The following HTT variants were observed in gnomAD, a reference collection of about 807,000 sequenced individuals.
HTT encodes huntingtin, also known as huntington disease protein.
HTT carries 104 observed loss-of-function variants against 362.3 expected under a neutral mutation model. The ratio of observed to expected loss-of-function variants is 0.29; its 90% CI spans 0.24 to 0.34. HTT has a LOEUF of 0.34. Among genes scored for constraint, HTT ranks in the 10% least tolerant of loss-of-function variants. HTT has a pLI of 1.00. For missense variants in HTT, 3,301 were observed against 3,928.6 expected (o/e 0.84, Z 4.27); for synonymous variants, 1,577 against 1,548.7 (o/e 1.02, Z -0.43).
intron 59 of HTT, among the ~76,000 whole-genome samples, chr4:3,229,306 A>T (rs1578610545): frequency 2.3e-5 from 1 of 44,170 alleles, no homozygotes; most frequent in Admixed American, 2.7e-4. Context: ...CATGCACCAC[A>T]CACACACACA....
At position 3,130,395 on chromosome 4, in the gene HTT, C is replaced by G. The variant is rs1715750230; in HGVS notation, c.1958C>G (p.Ala653Gly). ...SVDKFVLRDE[A>G]TEPGDQENKP... Reference sequence around the variant, plus strand: ...GATAAATTTGTGTTGAGAGATGAAGCTACTGAACCGGGTGATCAAGAAAAC... The same window carrying G: ...GATAAATTTGTGTTGAGAGATGAAGGTACTGAACCGGGTGATCAAGAAAAC... Residue 653 changes from alanine to glycine, a missense_variant, in exon 14 of 67, where the codon GCT becomes GGT. Ala to Gly is a moderately conservative substitution (Grantham distance 60, BLOSUM62 0). Coordinates refer to ENST00000355072, the MANE Select transcript of HTT (RefSeq NM_001388492.1). 2 of 1,604,050 alleles carry G rather than the reference C, an allele frequency of 1.2e-6. No individual in the cohort carries two copies. Among genetic ancestry groups the G allele is most frequent in the African/African-American group, 2.7e-5 (2 of 74,782 alleles).
At chr4:3,173,359 C>T in intron 31 of HTT, 1 of 546,264 alleles carries the variant, frequency 1.8e-6, no homozygotes, top group Non-Finnish European at 3.3e-6. Flanking sequence ...GGGACTTACA[C>T]ATCTCAGAGG....
intron 2 of HTT, among the ~76,000 whole-genome samples, chr4:3,094,279 T>C (rs180914228): frequency 1.5e-3 from 233 of 152,290 alleles, no homozygotes; most frequent in African/African-American, 5.2e-3. Flanking sequence ...GAATTTTTCT[T>C]AGTACAGAAC....
intron 4 of HTT, among the ~76,000 whole-genome samples, chr4:3,104,723 G>C (rs893187059): frequency 6.6e-6 from 1 of 152,128 alleles, no homozygotes; most frequent in Non-Finnish European, 1.5e-5. Flanking sequence ...GACCAGCATG[G>C]GCAACATGGC....
chr4:3,171,959 AAC>A (rs1394914950), intron 29 of HTT, among the ~76,000 whole-genome samples: 1 of 152,188 alleles, frequency 6.6e-6, no homozygotes, highest in African/African-American at 2.4e-5. Flanking sequence ...GTGTTCACTG[AAC>A]ATATTCAGGG....
chr4:3,159,603 C>T (rs929692690), intron 28 of HTT, among the ~76,000 whole-genome samples: 3 of 152,220 alleles, frequency 2.0e-5, no homozygotes, highest in Non-Finnish European at 4.4e-5. Context: ...CTCTTGCCTG[C>T]TTCTGACTTC....
At chr4:3,161,700 G>A (rs1437409640) in intron 29 of HTT, among the ~76,000 whole-genome samples, 3 of 152,120 alleles carry the variant, frequency 2.0e-5, no homozygotes, top group African/African-American at 7.2e-5. Context: ...TCGTATGTCT[G>A]TTGGCTGCAT....
chr4:3,177,391 A>C lies in HTT; in HGVS notation c.4463+4A>C. The C allele has an allele frequency of 6.4e-7, 1 of 1,564,130 alleles. No individual in the cohort carries two copies. Among genetic ancestry groups the C allele is most frequent in the South Asian group, 1.2e-5 (1 of 82,964 alleles). On this transcript the variant is annotated splice_donor_region_variant and intron_variant, in intron 34 of 66. Coordinates refer to ENST00000355072, the MANE Select transcript of HTT (RefSeq NM_001388492.1). ...ACATTGAAGTGGGCCAGTTCAGGTA[A>C]TAGCATTTTATTATTTTAGATTTTT...
intron 6 of HTT, among the ~76,000 whole-genome samples, chr4:3,112,222 C>T (rs972152719): frequency 1.3e-5 from 2 of 152,156 alleles, no homozygotes; most frequent in Non-Finnish European, 2.9e-5. Flanking sequence ...CTGGTTTATT[C>T]TTATTCTCAA....
chr4:3,143,238 A>T (rs879783952), intron 23 of HTT, among the ~76,000 whole-genome samples: 2 of 152,114 alleles, frequency 1.3e-5, no homozygotes, highest in Non-Finnish European at 2.9e-5. Context: ...GGAGTCGGAT[A>T]CCAGCCTGGC....
chr4:3,124,155 A>G (rs1299899926), intron 10 of HTT, among the ~76,000 whole-genome samples: 2 of 152,230 alleles, frequency 1.3e-5, no homozygotes, highest in Non-Finnish European at 2.9e-5. Flanking sequence ...TTAGAAGCCA[A>G]AAGGATTCTA....
At chr4:3,146,638 A>G (rs1716617868) in intron 24 of HTT, among the ~76,000 whole-genome samples, 159 bp from the exon 25 acceptor site, 1 of 152,216 alleles carries the variant, frequency 6.6e-6, no homozygotes, top group South Asian at 2.1e-4. Context: ...TGGAGCTCTG[A>G]TTTATAGGAA....
chr4:3,179,691 CTGTG>C (rs559063205), intron 35 of HTT, among the ~76,000 whole-genome samples: 25 of 141,812 alleles, frequency 1.8e-4, no homozygotes, highest in South Asian at 9.3e-4. Flanking sequence ...GAGTGTGCCT[CTGTG>C]TGTGTGCTCA....
intron 8 of HTT, among the ~76,000 whole-genome samples, chr4:3,118,820 A>G (rs1250969380): frequency 6.6e-6 from 1 of 152,202 alleles, no homozygotes; most frequent in Non-Finnish European, 1.5e-5. Flanking sequence ...TGAACTGGCA[A>G]ATTCTAAACT....
rs906917650 is a variant in HTT, at chr4:3,148,066, C to T, written c.3357C>T (p.Ala1119=). Residue 1119 remains alanine, a synonymous_variant, in exon 26 of 67, where the codon GCC becomes GCT. Coordinates refer to ENST00000355072, the MANE Select transcript of HTT (RefSeq NM_001388492.1). ...CTGAAGAAGAAGCCAACCCAGCAGC[C>T]ACCAAGCAAGAGGAGGTCTGGCCAG... The part of the protein sequence containing the change: ...WASEEEANPA[A]TKQEEVWPAL... 6.2e-7 allele frequency: 1 copy of T among 1,614,024 alleles called. No individual in the cohort carries two copies. Among genetic ancestry groups the T allele is most frequent in the African/African-American group, 1.3e-5 (1 of 74,936 alleles).
chr4:3,182,314 C>G, intron 36 of HTT, 40 bp from the exon 37 acceptor site: 1 of 1,352,508 alleles, frequency 7.4e-7, no homozygotes, highest in African/African-American at 1.4e-5. Flanking sequence ...GGAAAGGCGT[C>G]TCTTGGCAGC....
At chr4:3,127,688 G>C (rs958791234) in intron 12 of HTT, 84 bp downstream of exon 12, 3 of 992,864 alleles carry the variant, frequency 3.0e-6, no homozygotes, top group Admixed American at 5.0e-5. Context: ...TGGAGGCCGG[G>C]CACAGGGGCT....
rs115098962 is a variant in HTT, at chr4:3,183,110, G to A, written c.4866+640G>A. On this transcript the variant is annotated intron_variant, in intron 37 of 66. Coordinates refer to ENST00000355072, the MANE Select transcript of HTT (RefSeq NM_001388492.1). ...TTGCCCAGGCTGGTTTTAAACTCCT[G>A]GGCGCAAGTGATCCACCAACCTTGG... 2.1e-3 allele frequency among the ~76,000 whole-genome samples: 313 copies of A among 152,326 alleles called. 1 individual carries two copies. The highest frequency in any genetic ancestry group is 7.1e-3 in the African/African-American group (295 of 41,570).
In HTT at chr4:3,134,467, C is replaced by T. The variant is rs1202107785; in HGVS notation, c.2560C>T (p.Leu854=). The T allele has an allele frequency of 2.5e-6, 4 of 1,613,946 alleles. No individual in the cohort carries two copies. Among genetic ancestry groups the T allele is most frequent in the Non-Finnish European group, 3.4e-6 (4 of 1,179,816 alleles). ...AGGACTGCAGCTGATCATCGATGTG[C>T]TGACTCTGAGGAACAGTTCCTATTG... ...ELGLQLIIDV[L]TLRNSSYWLV... Residue 854 remains leucine (L), a synonymous_variant, in exon 19 of 67, where the codon CTG becomes TTG. Transcript: ENST00000355072.
Sources: gnomAD v4.1 joint callset for allele counts (sites outside exome capture counted in the v4.1 genomes callset) on GRCh38, gnomAD v4.1.1 for gene constraint, MANE v1.5 for transcripts, NCBI Gene and HGNC (gene_info 2026-07-23, HGNC 2026-07-21) for gene names.